The following VTI1A variants were observed in gnomAD, a reference collection of about 807,000 sequenced individuals.
The protein encoded by VTI1A is vesicle transport through interaction with t-SNAREs 1A.
Under a neutral mutation model 34.9 loss-of-function variants are expected in VTI1A, and 22 were observed. The observed-to-expected ratio is 0.63, with a 90% confidence interval of 0.45 to 0.90. The LOEUF (loss-of-function observed/expected upper bound fraction) is 0.90. VTI1A is among the 40% of genes least tolerant of loss of function. The pLI is 0.00. For synonymous variants in VTI1A, 87 were observed against 97.3 expected, an observed-to-expected ratio of 0.89 and a Z score of 0.62; for missense variants, 268 against 275.6, an observed-to-expected ratio of 0.97 and a Z score of 0.20.
chr10:112,460,788 C>G (rs1365280603), intron 2 of VTI1A, among the ~76,000 whole-genome samples: 3 of 152,058 alleles, frequency 2.0e-5, no homozygotes, highest in Non-Finnish European at 2.9e-5. Flanking sequence ...CATTAAATAT[C>G]TATCTCTAAT....
chr10:112,454,924 A>G (rs1046968053), intron 1 of VTI1A, among the ~76,000 whole-genome samples: 3 of 151,976 alleles, frequency 2.0e-5, no homozygotes, highest in African/African-American at 7.3e-5. Context: ...AATACCTCAA[A>G]AAGGTTGTTT....
At chr10:112,798,206 A>G (rs570845100) in intron 7 of VTI1A, among the ~76,000 whole-genome samples, 9 of 152,296 alleles carry the variant, frequency 5.9e-5, no homozygotes, top group African/African-American at 2.2e-4. Context: ...CTGCTGCTCC[A>G]GGGTCGACTT....
At chr10:112,712,206 T>C (rs1230852228) in intron 7 of VTI1A, among the ~76,000 whole-genome samples, 1 of 152,116 alleles carries the variant, frequency 6.6e-6, no homozygotes, top group Non-Finnish European at 1.5e-5. Context: ...AGCCAAAAAG[T>C]TGTAGGTGTC....
At chr10:112,728,901 T>TA (rs1305073921) in intron 7 of VTI1A, among the ~76,000 whole-genome samples, 2 of 152,194 alleles carry the variant, frequency 1.3e-5, no homozygotes, top group Non-Finnish European at 2.9e-5. Context: ...TCAATGTTTT[T>TA]ATTATACCAT....
the VTI1A span, among the ~76,000 whole-genome samples, chr10:112,846,670 G>A: frequency 4.0e-5 from 6 of 151,758 alleles, no homozygotes; most frequent in Non-Finnish European, 7.4e-5. Flanking sequence ...AGAGGCTGAG[G>A]CAGGAAAATC....
intron 5 of VTI1A, among the ~76,000 whole-genome samples, chr10:112,545,905 CA>C (rs1296532505): frequency 2.0e-5 from 3 of 150,264 alleles, no homozygotes; most frequent in Non-Finnish European, 4.4e-5. Flanking sequence ...AAAATTTGAC[CA>C]GGGTGTGTGT....
At chr10:112,717,572 C>T (rs372300695) in intron 7 of VTI1A, among the ~76,000 whole-genome samples, 2 of 152,278 alleles carry the variant, frequency 1.3e-5, no homozygotes, top group East Asian at 3.9e-4. Context: ...TGTGGTCTCC[C>T]TGCATATGCT....
chr10:112,564,275 C>T (rs1851828371), intron 5 of VTI1A, among the ~76,000 whole-genome samples: 1 of 151,596 alleles, frequency 6.6e-6, no homozygotes, highest in Non-Finnish European at 1.5e-5. Context: ...TTTTGTTCAG[C>T]GCGTTGTTGA....
chr10:112,680,066 T>C (rs1391079326), intron 7 of VTI1A, among the ~76,000 whole-genome samples: 1 of 152,194 alleles, frequency 6.6e-6, no homozygotes, highest in Non-Finnish European at 1.5e-5. Context: ...AAGAACTGTG[T>C]CCAGTTTCGT....
chr10:112,637,873 G>A (rs1414128142), intron 5 of VTI1A, among the ~76,000 whole-genome samples: 1 of 152,160 alleles, frequency 6.6e-6, no homozygotes, highest in Non-Finnish European at 1.5e-5. Flanking sequence ...TAAAATGGTA[G>A]TACGAAAAAA....
chr10:112,696,093 A>ATT (rs988937233), intron 7 of VTI1A, among the ~76,000 whole-genome samples: 10 of 118,774 alleles, frequency 8.4e-5, no homozygotes, highest in Non-Finnish European at 1.1e-4. Context: ...AGAGAGAATG[A>ATT]TTATATATAT....
chr10:112,832,522 T>TA, the VTI1A span: 1 of 152,262 alleles, frequency 6.6e-6, no homozygotes. Context: ...ACATCAGACT[T>TA]ACTTCTTCTC....
chr10:112,591,232 T>C (rs1305078087), intron 5 of VTI1A, among the ~76,000 whole-genome samples: 3 of 151,632 alleles, frequency 2.0e-5, no homozygotes, highest in Non-Finnish European at 2.9e-5. Context: ...TTAGAAGAGA[T>C]ACTGTTGACC....
chr10:112,466,908 TC>T (rs1343033468), intron 3 of VTI1A, among the ~76,000 whole-genome samples: 3 of 152,166 alleles, frequency 2.0e-5, no homozygotes, highest in African/African-American at 7.2e-5. Context: ...AGATGGCTTC[TC>T]CCCATGTCTT....
At chr10:112,762,095 T>C (rs1048970390) in intron 7 of VTI1A, among the ~76,000 whole-genome samples, 3 of 152,096 alleles carry the variant, frequency 2.0e-5, no homozygotes, top group African/African-American at 7.2e-5. Context: ...TAAAAATGGA[T>C]GGGAAAGCTT....
At chr10:112,596,275 C>T (rs1844641455) in intron 5 of VTI1A, among the ~76,000 whole-genome samples, 1 of 151,354 alleles carries the variant, frequency 6.6e-6, no homozygotes, top group African/African-American at 2.4e-5. Context: ...AACTAACCTG[C>T]ATATTGTGCA....
intron 2 of VTI1A, among the ~76,000 whole-genome samples, chr10:112,463,337 C>T (rs950555705): frequency 1.3e-5 from 2 of 152,152 alleles, no homozygotes; most frequent in Non-Finnish European, 2.9e-5. Flanking sequence ...TAATTTTAAT[C>T]TAGCAATTAT....
intron 5 of VTI1A, among the ~76,000 whole-genome samples, chr10:112,565,741 G>A (rs1851886140): frequency 6.6e-6 from 1 of 152,198 alleles, no homozygotes; most frequent in Admixed American, 6.5e-5. Flanking sequence ...TCAAGAGGAC[G>A]GGCTATCAGT....
At chr10:112,506,386 T>G (rs1849428707) in intron 3 of VTI1A, among the ~76,000 whole-genome samples, 2 of 152,220 alleles carry the variant, frequency 1.3e-5, no homozygotes, top group African/African-American at 2.4e-5. Context: ...TATCTGAGAT[T>G]TCAGACATCC....
Sources: allele counts gnomAD v4.1 joint callset (sites outside exome capture counted in the v4.1 genomes callset), GRCh38; gene constraint gnomAD v4.1.1; transcripts MANE v1.5; gene names NCBI Gene and HGNC (gene_info 2026-07-23, HGNC 2026-07-21).